The following STAT4 variants were observed in gnomAD, a reference collection of about 807,000 sequenced individuals.
STAT4 encodes signal transducer and activator of transcription 4.
STAT4 carries 42 observed loss-of-function variants against 110.5 expected under a neutral mutation model. The observed-to-expected ratio is 0.38, with a 90% CI of 0.30 to 0.49. The LOEUF (loss-of-function observed/expected upper bound fraction) is 0.49, where lower values mean the gene tolerates loss of function less well. Among genes scored for constraint, STAT4 ranks in the 20% least tolerant of loss-of-function variants. The pLI is 0.95. For synonymous variants in STAT4, 284 were observed against 302.2 expected (o/e 0.94, Z 0.63); for missense variants, 632 against 887.9 (o/e 0.71, Z 3.66).
rs1696084950 is a variant in STAT4, at chr2:191,037,899, A to C, written c.1434+1300T>G. Reference sequence around the variant, plus strand: ...AAGCAGGATAGAATTAAGAGGAGAAACCAGGATTAGTTGTTTAGACTGGTT... The same window carrying C: ...AAGCAGGATAGAATTAAGAGGAGAACCCAGGATTAGTTGTTTAGACTGGTT... On this transcript the variant is annotated intron_variant, in intron 16 of 23. Coordinates refer to ENST00000392320, the MANE Select transcript of STAT4 (RefSeq NM_003151.4). This position sits in a 1 kb window ranked among gnomAD's most constrained non-coding sequence, Gnocchi z 4.8. 6.6e-6 allele frequency among the ~76,000 whole-genome samples: 1 copy of C among 152,104 alleles called. No homozygotes were observed. Among genetic ancestry groups the C allele is most frequent in the Non-Finnish European group, 1.5e-5 (1 of 68,010 alleles).
rs569500093 is a variant in STAT4, at chr2:191,041,032, T to A, written c.1335+33A>T. The A allele has an allele frequency of 7.5e-6, 10 of 1,337,520 alleles. No homozygotes were observed. The East Asian group carries it at 2.5e-4, about 33-fold the overall frequency. 82.9% of individuals were successfully genotyped at this position (1,337,520 alleles called of 1,614,324 possible). ...TGCTGACCAATTCTTGCAAATGCCA[T>A]TAGTAAATAGTGTATGTTCTTGAAA... is the stretch of plus-strand genomic sequence containing the variant. On this transcript the variant is annotated intron_variant, in intron 15 of 23. Transcript: ENST00000392320.
At chr2:191,121,703 T>C (rs556199535) in intron 3 of STAT4, among the ~76,000 whole-genome samples, 33 of 142,456 alleles carry the variant, frequency 2.3e-4, no homozygotes, top group African/African-American at 8.4e-4. Flanking sequence ...TTCTCACTCA[T>C]AGGTGGGAAT....
At position 191,054,533 on chromosome 2, in the gene STAT4, T is replaced by G; in HGVS notation, c.1208A>C (p.Gln403Pro). ...GSLSVEFRHL[Q>P]PKEMKSSAGG... ...AGCACTGGACTTCATTTCCTTTGGT[T>G]GCTTTGTAAAAGAAAACAACAATAT... Residue 403 changes from glutamine (Q) to proline (P), a missense_variant and splice_region_variant, in exon 14 of 24, where the codon CAA becomes CCA. Physicochemically the swap from Gln to Pro is moderately conservative, Grantham distance 76 (BLOSUM62 -1). This residue lies in a region of STAT4 where 488 missense variants were observed against 632.8 expected (regional missense o/e 0.77). Transcript: ENST00000392320. The G allele has an allele frequency of 6.2e-7, 1 of 1,612,686 alleles. No homozygotes were observed. Among genetic ancestry groups the G allele is most frequent in the Non-Finnish European group, 8.5e-7 (1 of 1,179,548 alleles).
At chr2:191,141,604 TAC>T (rs1391174726) in intron 3 of STAT4, among the ~76,000 whole-genome samples, 1 of 52,030 alleles carries the variant, frequency 1.9e-5, no homozygotes, top group African/African-American at 5.7e-5. Flanking sequence ...TGTGTATATA[TAC>T]ACACACACAT....
Position 191,039,661 on chromosome 2 carries a change from A to C in STAT4, c.1336-364T>G, listed in dbSNP as rs1343808420. ...CAATCTTCTCTATAAGTTAAATAAA[A>C]GAATCTATTTTAAGTTTATCTCTGG... On this transcript the variant is annotated intron_variant, in intron 15 of 23. Transcript: ENST00000392320. This position sits in a 1 kb window ranked among gnomAD's most constrained non-coding sequence, Gnocchi z 4.7. Among the ~76,000 whole-genome samples, 1 of 152,258 alleles carries C rather than the reference A, an allele frequency of 6.6e-6. No homozygotes were observed. Among genetic ancestry groups the C allele is most frequent in the Non-Finnish European group, 1.5e-5 (1 of 68,046 alleles).
rs886227772 is a variant in STAT4 at position 191,036,070 on chromosome 2, T to C, written c.1570+94A>G. On this transcript the variant is annotated intron_variant, in intron 17 of 23. Coordinates refer to ENST00000392320, the MANE Select transcript of STAT4 (RefSeq NM_003151.4). The stretch of plus-strand genomic sequence containing the variant: ...GGCATTGAATAAATTATGATTATCA[T>C]CTTTATTATTAGTAGTAGTAATAGC... 6 of 1,389,170 alleles carry C rather than the reference T, an allele frequency of 4.3e-6. No individual in the cohort carries two copies. In the African/African-American group the frequency reaches 8.7e-5, roughly 20 times the overall value. The allele number at this position is 1,389,170 out of a possible 1,614,324, so 86.1% of individuals were successfully genotyped here.
Position 191,042,302 on chromosome 2 carries a change from C to T in STAT4, c.1252-1154G>A, listed in dbSNP as rs1696224533. Among the ~76,000 whole-genome samples the T allele has an allele frequency of 6.6e-6, 1 of 151,800 alleles. No homozygotes were observed. Among genetic ancestry groups the T allele is most frequent in the Non-Finnish European group, 1.5e-5 (1 of 67,986 alleles). On this transcript the variant is annotated intron_variant, in intron 14 of 23. Coordinates refer to ENST00000392320, the MANE Select transcript of STAT4 (RefSeq NM_003151.4). This position sits in a 1 kb window ranked among gnomAD's most constrained non-coding sequence, Gnocchi z 4.2. ...GAAATAAGAATGCAAAAACAAAAAA[C>T]TCAGAGGAAAAGCAAAAAGTAAAAA...
Position 191,041,062 on chromosome 2 carries a change from T to C in STAT4, c.1335+3A>G. ...AAATAGTGTATGTTCTTGAAACACC[T>C]ACCTCCAAATCTATGGTCAGGCCAT... On this transcript the variant is annotated splice_donor_region_variant and intron_variant, in intron 15 of 23. Transcript: ENST00000392320. 2 of 1,440,108 alleles carry C rather than the reference T, an allele frequency of 1.4e-6. No homozygotes were observed. 89.2% of individuals were successfully genotyped at this position (1,440,108 alleles called of 1,614,324 possible).
chr2:191,094,840 A>G (rs1030557852), intron 3 of STAT4, among the ~76,000 whole-genome samples: 1 of 150,060 alleles, frequency 6.7e-6, no homozygotes, highest in East Asian at 2.0e-4. Context: ...TATATTCAGG[A>G]GACCCATCTC....
At chr2:191,087,423 C>CAGA (rs1178305894) in intron 3 of STAT4, among the ~76,000 whole-genome samples, 1 of 152,136 alleles carries the variant, frequency 6.6e-6, no homozygotes, top group African/African-American at 2.4e-5. Flanking sequence ...GGCCAGCTAA[C>CAGA]AGAAGTGGCC....
intron 3 of STAT4, chr2:191,131,904 A>T: frequency 7.1e-7 from 1 of 1,412,324 alleles, no homozygotes; most frequent in Non-Finnish European, 9.2e-7. Flanking sequence ...CTGGGGACTA[A>T]AGCAAATTAG....
At position 191,150,502 on chromosome 2, in the gene STAT4, A is replaced by G. The variant is rs896704235; in HGVS notation, c.-2+445T>C. ...GGCCTGTAGCTTGCAAAAGGAGATG[A>G]CCTGCCCTAAAATGTCACTCGCGCC... On this transcript the variant is annotated intron_variant, in intron 1 of 23. Coordinates refer to ENST00000392320, the MANE Select transcript of STAT4 (RefSeq NM_003151.4). The surrounding 1 kb of genome is among the most constrained non-coding windows in gnomAD (Gnocchi z 6.4). Among the ~76,000 whole-genome samples, 1 of 152,166 alleles carries G rather than the reference A, an allele frequency of 6.6e-6. No homozygotes were observed. The highest frequency in any genetic ancestry group is 1.5e-5 in the Non-Finnish European group (1 of 68,028).
chr2:191,062,637 T>G lies in STAT4; in HGVS notation c.941+125A>C. On this transcript the variant is annotated intron_variant, in intron 9 of 23. Transcript: ENST00000392320. This position sits in a 1 kb window ranked among gnomAD's most constrained non-coding sequence, Gnocchi z 4.9. ...GTTTCTAAAACTTTCTGGGGTTCTATTCACTTCTCCCTGAGGCTCGTTGTT... is the reference window on the plus strand; with the variant it reads ...GTTTCTAAAACTTTCTGGGGTTCTAGTCACTTCTCCCTGAGGCTCGTTGTT... 1 of 1,026,456 alleles carries G rather than the reference T, an allele frequency of 9.7e-7. No homozygotes were observed. The highest frequency in any genetic ancestry group is 1.5e-5 in the South Asian group (1 of 65,596). The allele number at this position is 1,026,456 out of a possible 1,614,324, so 63.6% of individuals were successfully genotyped here.
chr2:191,042,282 A>C lies in STAT4; in HGVS notation c.1252-1134T>G, dbSNP rs1024858280. Among the ~76,000 whole-genome samples, 3 of 152,206 alleles carry C rather than the reference A, an allele frequency of 2.0e-5. No individual in the cohort carries two copies. The highest frequency in any genetic ancestry group is 7.2e-5 in the African/African-American group (3 of 41,446). On this transcript the variant is annotated intron_variant, in intron 14 of 23. Coordinates refer to ENST00000392320, the MANE Select transcript of STAT4 (RefSeq NM_003151.4). The surrounding 1 kb of genome is among the most constrained non-coding windows in gnomAD (Gnocchi z 4.2). ...TTTGACAAAGACTTTCACATGAAAT[A>C]AGAATGCAAAAACAAAAAACTCAGA...
At chr2:191,139,425 C>T (rs10208115) in intron 3 of STAT4, among the ~76,000 whole-genome samples, 4,287 of 152,198 alleles carry the variant, frequency 0.028, 173 homozygotes, top group African/African-American at 0.098. Flanking sequence ...TCAATGTACG[C>T]AAATCAGTAG....
intron 3 of STAT4, among the ~76,000 whole-genome samples, chr2:191,141,775 C>T (rs910117312): frequency 1.6e-4 from 24 of 151,962 alleles, no homozygotes; most frequent in Middle Eastern, 6.9e-3. Flanking sequence ...GGATTACAGG[C>T]GTGCATCATC....
intron 3 of STAT4, among the ~76,000 whole-genome samples, chr2:191,079,422 T>C (rs7592027): frequency 2.6e-5 from 4 of 152,066 alleles, no homozygotes; most frequent in African/African-American, 9.6e-5. Context: ...CTGTAGATGG[T>C]ATTTTTTGAT....
rs1574716832 is a variant in STAT4, at chr2:191,058,359, G to A, written c.1095-140C>T. The A allele has an allele frequency of 7.0e-6, 6 of 857,632 alleles. No homozygotes were observed. The East Asian group carries it at 1.7e-4, about 24-fold the overall frequency. The allele number at this position is 857,632 out of a possible 1,614,324, so 53.1% of individuals were successfully genotyped here. On this transcript the variant is annotated intron_variant, in intron 11 of 23. Coordinates refer to ENST00000392320, the MANE Select transcript of STAT4 (RefSeq NM_003151.4). The surrounding 1 kb of genome is among the most constrained non-coding windows in gnomAD (Gnocchi z 4.3). ...GTCGTCCAGGCTGGAGTGCAGTGGTGCAATCTTGGCTCACTACAACCTCTG... is the reference window on the plus strand; with the variant it reads ...GTCGTCCAGGCTGGAGTGCAGTGGTACAATCTTGGCTCACTACAACCTCTG...
In STAT4 at chr2:191,033,043, A is replaced by G; in HGVS notation, c.1959T>C (p.Ile653=). 1 of 1,614,204 alleles carries G rather than the reference A, an allele frequency of 6.2e-7. No individual in the cohort carries two copies. Among genetic ancestry groups the G allele is most frequent in the Non-Finnish European group, 8.5e-7 (1 of 1,180,036 alleles). ...ATAGGTACTTCAGAGGGTTTTCAGG[A>G]ATGTTTTCAGCCATAATAACTTTGT... ...RDYKVIMAEN[I]PENPLKYLYP... Residue 653 remains isoleucine (I), a synonymous_variant, in exon 21 of 24, where the codon ATT becomes ATC. Transcript: ENST00000392320. This position sits in a 1 kb window ranked among gnomAD's most constrained non-coding sequence, Gnocchi z 6.9.
Sources: allele counts gnomAD v4.1 joint callset (sites outside exome capture counted in the v4.1 genomes callset), GRCh38; gene constraint gnomAD v4.1.1; regional missense constraint gnomAD v4.1.1; non-coding constraint Gnocchi (gnomAD v3.1); transcripts MANE v1.5; gene names NCBI Gene and HGNC (gene_info 2026-07-23, HGNC 2026-07-21).